Variants in KIF1B observed in about 807,000 individuals in gnomAD.
KIF1B encodes the protein kinesin-like protein KIF1B.
KIF1B carries 76 observed loss-of-function variants against 241.9 expected under a neutral mutation model. The observed-to-expected ratio is 0.31, with a 90% CI of 0.26 to 0.38. KIF1B has a LOEUF of 0.38. Among genes scored for constraint, KIF1B ranks in the 10% least tolerant of loss-of-function variants. KIF1B has a pLI of 1.00. For synonymous variants in KIF1B, 750 were observed against 796.7 expected (o/e 0.94, Z 0.99); for missense variants, 1,622 against 2,271.4 (o/e 0.71, Z 5.81).
intron 45 of KIF1B, among the ~76,000 whole-genome samples, chr1:10,371,863 T>G (rs894425447): frequency 6.6e-6 from 1 of 151,776 alleles, no homozygotes; most frequent in Admixed American, 6.6e-5. Flanking sequence ...AATCCAGGAG[T>G]TCAAGGTTGC....
rs1408085791 is a variant in KIF1B, at chr1:10,226,788, G to A, written c.-79-5462G>A. The stretch of plus-strand genomic sequence containing the variant: ...TCGAGACCAGCCTGGGCAACATAGC[G>A]AAACCCCGTCCCTACTAAAAATACA... On this transcript the variant is annotated intron_variant, in intron 1 of 48. Transcript: ENST00000676179. Among the ~76,000 whole-genome samples the A allele has an allele frequency of 2.6e-5, 4 of 151,966 alleles. No individual in the cohort carries two copies. The East Asian group carries it at 5.8e-4, about 22-fold the overall frequency.
At chr1:10,312,039 C>T (rs539871940) in intron 22 of KIF1B, among the ~76,000 whole-genome samples, 1 of 151,308 alleles carries the variant, frequency 6.6e-6, no homozygotes, top group South Asian at 2.1e-4. Flanking sequence ...ATTCTGTCTG[C>T]AAACCTCTGC....
intron 41 of KIF1B, among the ~76,000 whole-genome samples, chr1:10,364,523 A>C (rs919890206): frequency 2.6e-5 from 4 of 152,048 alleles, no homozygotes; most frequent in Non-Finnish European, 5.9e-5. Flanking sequence ...ATAGACTACT[A>C]CAGACTATTT....
intron 2 of KIF1B, among the ~76,000 whole-genome samples, chr1:10,243,214 C>T (rs543576029): frequency 7.2e-5 from 11 of 152,054 alleles, no homozygotes; most frequent in South Asian, 6.2e-4. Flanking sequence ...CTCAGGAGTT[C>T]GAGACCAGAC....
intron 38 of KIF1B, among the ~76,000 whole-genome samples, chr1:10,356,343 C>T (rs554549862): frequency 3.3e-5 from 5 of 151,660 alleles, no homozygotes; most frequent in East Asian, 3.9e-4. Context: ...CCAGCCTGGG[C>T]GACAGAGCGA....
At position 10,252,008 on chromosome 1, in the gene KIF1B, C is replaced by T. The variant is rs188233772; in HGVS notation, c.107-4239C>T. On this transcript the variant is annotated intron_variant, in intron 2 of 48. Coordinates refer to ENST00000676179, the MANE Select transcript of KIF1B (RefSeq NM_001365951.3). ...ATTCATCTTTTAGATCTTTTAGAAA[C>T]TACAGTCCTCCTAGTTCCCACTTTT... is the stretch of plus-strand genomic sequence containing the variant. Among the ~76,000 whole-genome samples the T allele has an allele frequency of 2.7e-3, 411 of 152,068 alleles. 1 individual carries two copies. Among genetic ancestry groups the T allele is most frequent in the Admixed American group, 4.3e-3 (65 of 15,246 alleles).
chr1:10,280,466 C>A (rs1649355027), intron 14 of KIF1B, among the ~76,000 whole-genome samples: 1 of 152,056 alleles, frequency 6.6e-6, no homozygotes, highest in African/African-American at 2.4e-5. Context: ...AATCTCTTGA[C>A]CTCGTGATCC....
chr1:10,247,813 G>A (rs959797779), intron 2 of KIF1B, among the ~76,000 whole-genome samples: 8 of 152,192 alleles, frequency 5.3e-5, no homozygotes, highest in African/African-American at 9.7e-5. Flanking sequence ...GACCGGTTTT[G>A]TGGAAGATAA....
intron 2 of KIF1B, among the ~76,000 whole-genome samples, chr1:10,249,915 G>A (rs1647343920): frequency 6.6e-6 from 1 of 152,146 alleles, no homozygotes; most frequent in Admixed American, 6.6e-5. Context: ...AAAGAGAAAA[G>A]AAACAGAATT....
intron 1 of KIF1B, among the ~76,000 whole-genome samples, chr1:10,224,320 G>A (rs1295107691): frequency 6.6e-6 from 1 of 152,120 alleles, no homozygotes; most frequent in Non-Finnish European, 1.5e-5. Flanking sequence ...GTTTCACCAT[G>A]TTAGCCAGGA....
chr1:10,352,511 C>T, intron 37 of KIF1B, 120 bp from the exon 38 acceptor site: 2 of 825,880 alleles, frequency 2.4e-6, no homozygotes, highest in Non-Finnish European at 4.1e-6. Context: ...TACAGGTAAC[C>T]AAATGACCCT....
intron 1 of KIF1B, among the ~76,000 whole-genome samples, chr1:10,229,867 CAAAAAAAAAAAAAAAAA>C (rs58923572): frequency 1.4e-4 from 8 of 56,454 alleles, no homozygotes; most frequent in Non-Finnish European, 2.5e-4. Flanking sequence ...GACTCCGTCT[CAAAAAAAAAAAAAAAAA>C]AAAAAAAAAA....
chr1:10,285,677 C>G (rs1205374159), intron 15 of KIF1B, among the ~76,000 whole-genome samples: 1 of 152,188 alleles, frequency 6.6e-6, no homozygotes, highest in Non-Finnish European at 1.5e-5. Flanking sequence ...AGCATAAGCA[C>G]CTTAGTTCTG....
intron 27 of KIF1B, among the ~76,000 whole-genome samples, chr1:10,330,282 A>G (rs1651873497): frequency 6.6e-6 from 1 of 152,216 alleles, no homozygotes; most frequent in Non-Finnish European, 1.5e-5. Context: ...TATCTAGTGA[A>G]TGTGTGATTG....
At chr1:10,272,176 G>T in intron 8 of KIF1B, 65 bp from the exon 9 acceptor site, 1 of 1,001,294 alleles carries the variant, frequency 1.0e-6, no homozygotes, top group Middle Eastern at 2.2e-4. Context: ...CATATTTTAT[G>T]TTCTGTATGA....
intron 3 of KIF1B, 69 bp from the exon 4 acceptor site, chr1:10,258,424 A>T: frequency 6.7e-7 from 1 of 1,498,340 alleles, no homozygotes; most frequent in Non-Finnish European, 9.2e-7. Context: ...TTTATTATGG[A>T]AGCAATCAAG....
chr1:10,311,812 C>G (rs1236883485), intron 22 of KIF1B, among the ~76,000 whole-genome samples: 1 of 151,354 alleles, frequency 6.6e-6, no homozygotes, highest in African/African-American at 2.5e-5. Flanking sequence ...CTCTGTTCCC[C>G]CTTCCATTTT....
chr1:10,339,664 A>T, intron 31 of KIF1B, 105 bp from the exon 32 acceptor site: 1 of 906,444 alleles, frequency 1.1e-6, no homozygotes. Context: ...GAATCTGCTT[A>T]AGTGGAATGC....
chr1:10,345,098 G>A (rs1210664483), intron 34 of KIF1B, among the ~76,000 whole-genome samples: 1 of 152,174 alleles, frequency 6.6e-6, no homozygotes, highest in African/African-American at 2.4e-5. Flanking sequence ...GGAAGCTGAG[G>A]TGGGAGGATG....
Sources: allele counts gnomAD v4.1 joint callset (sites outside exome capture counted in the v4.1 genomes callset), GRCh38; gene constraint gnomAD v4.1.1; transcripts MANE v1.5; gene names NCBI Gene and HGNC (gene_info 2026-07-23, HGNC 2026-07-21).